The following RALGPS2 variants were observed in gnomAD, a reference collection of about 807,000 sequenced individuals.
RALGPS2 encodes Ral GEF with PH domain and SH3 binding motif 2, also known as ras-specific guanine nucleotide-releasing factor RalGPS2.
RALGPS2 carries 43 observed loss-of-function variants against 86.8 expected under a neutral mutation model. The observed-to-expected ratio is 0.50, with a 90% CI of 0.39 to 0.64. RALGPS2 has a LOEUF of 0.64. RALGPS2 is among the 30% of genes least tolerant of loss of function. RALGPS2 has a pLI of 0.00. For missense variants in RALGPS2, 536 were observed against 694.6 expected, an observed-to-expected ratio of 0.77 and a Z score of 2.57; for synonymous variants, 243 against 231.3, an observed-to-expected ratio of 1.05 and a Z score of -0.46.
chr1:178,815,345 A>G (rs1045515601), intron 6 of RALGPS2, among the ~76,000 whole-genome samples: 5 of 152,038 alleles, frequency 3.3e-5, no homozygotes, highest in Non-Finnish European at 7.4e-5. Flanking sequence ...TCGGCCTCCC[A>G]AAGTTCTGGG....
intron 8 of RALGPS2, chr1:178,869,388 A>C (rs1209048376): frequency 6.6e-6 from 1 of 152,098 alleles, no homozygotes; most frequent in Non-Finnish European, 1.5e-5. Context: ...AGATTGTGAA[A>C]TATGTTCTGG....
At position 178,793,845 on chromosome 1, in the gene RALGPS2, C is replaced by A. The variant is rs151253474; in HGVS notation, c.213+8238C>A. Among the ~76,000 whole-genome samples the A allele has an allele frequency of 2.0e-4, 30 of 152,076 alleles. No individual in the cohort carries two copies. In the East Asian group the frequency reaches 5.0e-3, roughly 26 times the overall value. On this transcript the variant is annotated intron_variant, in intron 4 of 19. Coordinates refer to ENST00000367635, the MANE Select transcript of RALGPS2 (RefSeq NM_152663.5). The stretch of plus-strand genomic sequence containing the variant: ...CAATGTGACTTTTGTAAAATAGCAT[C>A]CTTTCTACAGAAACAGGAGTTTTTT...
rs1256328024 is a variant in RALGPS2, at chr1:178,877,456, CCTACAA to C, written c.608-38_608-33del. ...CCTTTTCTTTGTCATAGTCTCCCAA[CCTACAA>C]CTAAGAAAACGTTCATTTATCTAAT... is the stretch of plus-strand genomic sequence containing the variant. On this transcript the variant is annotated intron_variant, in intron 8 of 19. Coordinates refer to ENST00000367635, the MANE Select transcript of RALGPS2 (RefSeq NM_152663.5). 3.1e-6 allele frequency: 5 copies of C among 1,608,338 alleles called. No individual in the cohort carries two copies. The African/African-American group carries it at 6.7e-5, about 22-fold the overall frequency.
intron 4 of RALGPS2, among the ~76,000 whole-genome samples, chr1:178,789,821 A>C (rs530811800): frequency 1.2e-3 from 188 of 152,340 alleles, no homozygotes; most frequent in Non-Finnish European, 1.7e-3. Flanking sequence ...TCTGACTGGC[A>C]CATAGTGGAA....
rs748543800 is a variant in RALGPS2, at chr1:178,894,025, G to A, written c.1431+1G>A. On this transcript the variant is annotated splice_donor_variant, in intron 16 of 19. Transcript: ENST00000367635. LOFTEE classifies it high-confidence loss of function. ...GTTAAAAGAAGGCAAAAAGCCTACAGTAAGATTTCATCATATTATATTTTA... is the reference window on the plus strand; with the variant it reads ...GTTAAAAGAAGGCAAAAAGCCTACAATAAGATTTCATCATATTATATTTTA... 6.5e-7 allele frequency: 1 copy of A among 1,538,810 alleles called. No homozygotes were observed. The highest frequency in any genetic ancestry group is 8.9e-7 in the Non-Finnish European group (1 of 1,118,160).
intron 8 of RALGPS2, among the ~76,000 whole-genome samples, chr1:178,839,319 A>G (rs1656457903): frequency 6.6e-6 from 1 of 152,276 alleles, no homozygotes; most frequent in South Asian, 2.1e-4. Flanking sequence ...ATCTCTCTGC[A>G]GAAACTCTAC....
chr1:178,766,708 G>A (rs145801838), intron 1 of RALGPS2, among the ~76,000 whole-genome samples: 14 of 152,168 alleles, frequency 9.2e-5, no homozygotes, highest in Non-Finnish European at 1.8e-4. Context: ...TTGGAGAATC[G>A]GATGACTGTG....
chr1:178,843,459 C>T (rs1396556484), intron 8 of RALGPS2, among the ~76,000 whole-genome samples: 2 of 144,548 alleles, frequency 1.4e-5, no homozygotes, highest in African/African-American at 5.1e-5. Flanking sequence ...ACAATGAGAT[C>T]ACATGGACAC....
At chr1:178,837,249 T>C (rs920971990) in intron 8 of RALGPS2, among the ~76,000 whole-genome samples, 1 of 152,224 alleles carries the variant, frequency 6.6e-6, no homozygotes, top group Non-Finnish European at 1.5e-5. Flanking sequence ...TGGGGCCGTC[T>C]AACATTTTTA....
chr1:178,836,043 T>G (rs1474619719), intron 8 of RALGPS2, among the ~76,000 whole-genome samples: 2 of 152,204 alleles, frequency 1.3e-5, no homozygotes, highest in African/African-American at 4.8e-5. Context: ...TTGGACCTTC[T>G]TGACATTTTT....
chr1:178,848,156 C>T (rs1360731407), intron 8 of RALGPS2, among the ~76,000 whole-genome samples: 5 of 151,874 alleles, frequency 3.3e-5, no homozygotes, highest in Non-Finnish European at 7.4e-5. Flanking sequence ...AAAGAAAATA[C>T]GAAAATTAGC....
At chr1:178,834,890 G>A (rs1300543744) in intron 8 of RALGPS2, among the ~76,000 whole-genome samples, 3 of 152,222 alleles carry the variant, frequency 2.0e-5, no homozygotes, top group Non-Finnish European at 2.9e-5. Context: ...TGATTCTCCT[G>A]CTTCAGCCTC....
At chr1:178,823,075 G>A (rs1236576946) in intron 7 of RALGPS2, among the ~76,000 whole-genome samples, 3 of 152,178 alleles carry the variant, frequency 2.0e-5, no homozygotes, top group Non-Finnish European at 4.4e-5. Context: ...TCCCGCCTTA[G>A]CCTCTCAAAG....
At chr1:178,730,041 A>T (rs1454757077) in intron 1 of RALGPS2, among the ~76,000 whole-genome samples, 1 of 152,148 alleles carries the variant, frequency 6.6e-6, no homozygotes, top group East Asian at 1.9e-4. Flanking sequence ...TCTTGGGTTC[A>T]ACTGATTCTC....
At chr1:178,764,992 G>GCT (rs1359679174) in intron 1 of RALGPS2, among the ~76,000 whole-genome samples, 3 of 151,932 alleles carry the variant, frequency 2.0e-5, no homozygotes, top group African/African-American at 2.4e-5. Flanking sequence ...CCCACTTTGT[G>GCT]CTCTCTCTCT....
At chr1:178,806,852 A>G (rs1042725774) in intron 4 of RALGPS2, among the ~76,000 whole-genome samples, 1 of 152,082 alleles carries the variant, frequency 6.6e-6, no homozygotes, top group Non-Finnish European at 1.5e-5. Context: ...GTTGTATTAC[A>G]GAAGTTTGTT....
intron 8 of RALGPS2, among the ~76,000 whole-genome samples, chr1:178,847,750 T>C (rs910489002): frequency 4.6e-5 from 7 of 152,196 alleles, no homozygotes; most frequent in Non-Finnish European, 8.8e-5. Context: ...CTAAGAAATA[T>C]AATGCTAAGA....
chr1:178,910,640 G>A (rs1469873223), intron 19 of RALGPS2, among the ~76,000 whole-genome samples: 1 of 152,120 alleles, frequency 6.6e-6, no homozygotes, highest in African/African-American at 2.4e-5. Flanking sequence ...TTAACTTTCT[G>A]ATATGCTGCT....
At chr1:178,805,693 T>C (rs1273192574) in intron 4 of RALGPS2, among the ~76,000 whole-genome samples, 1 of 152,174 alleles carries the variant, frequency 6.6e-6, no homozygotes, top group Non-Finnish European at 1.5e-5. Flanking sequence ...TGTTAACTCT[T>C]TACTATAGAA....
Sources: allele counts gnomAD v4.1 joint callset (sites outside exome capture counted in the v4.1 genomes callset), GRCh38; gene constraint gnomAD v4.1.1; transcripts MANE v1.5; gene names NCBI Gene and HGNC (gene_info 2026-07-23, HGNC 2026-07-21).